COL26A1: variants seen among roughly 807,000 people sequenced by gnomAD.
COL26A1 encodes the protein collagen type XXVI alpha 1 chain, also known as collagen alpha-1(XXVI) chain.
In COL26A1, 41 loss-of-function variants were observed where a neutral mutation model predicts 59.3. The observed-to-expected ratio is 0.69, with a 90% CI of 0.54 to 0.90. The LOEUF (loss-of-function observed/expected upper bound fraction) is 0.90, where lower values mean the gene tolerates loss of function less well. COL26A1 is among the 40% of genes least tolerant of loss of function. COL26A1 has a pLI of 0.00. For missense variants in COL26A1, 612 were observed against 602.3 expected (o/e 1.02, Z -0.17); for synonymous variants, 266 against 256.0 (o/e 1.04, Z -0.37).
At chr7:101,556,460 T>C (rs970324583) in intron 12 of COL26A1, among the ~76,000 whole-genome samples, 5 of 150,824 alleles carry the variant, frequency 3.3e-5, no homozygotes, top group Non-Finnish European at 7.4e-5. Context: ...CCTGGATGAA[T>C]GTATGCATGG....
chr7:101,381,685 C>A (rs1456637896), intron 1 of COL26A1, among the ~76,000 whole-genome samples: 1 of 152,146 alleles, frequency 6.6e-6, no homozygotes, highest in Non-Finnish European at 1.5e-5. Flanking sequence ...GCTTTTATGA[C>A]CTAAACATCT....
intron 3 of COL26A1, among the ~76,000 whole-genome samples, chr7:101,517,938 C>T (rs951248381): frequency 6.6e-5 from 10 of 151,326 alleles, no homozygotes; most frequent in African/African-American, 2.2e-4. Context: ...CTCGGCCTCC[C>T]GAGTAGCTGG....
chr7:101,510,054 C>T (rs1379910319), intron 3 of COL26A1, among the ~76,000 whole-genome samples: 1 of 118,918 alleles, frequency 8.4e-6, no homozygotes, highest in African/African-American at 6.7e-5. Context: ...GAGGGTCTCA[C>T]TCTGTCACCC....
At chr7:101,470,256 T>C (rs1793864340) in intron 3 of COL26A1, among the ~76,000 whole-genome samples, 1 of 151,948 alleles carries the variant, frequency 6.6e-6, no homozygotes, top group Non-Finnish European at 1.5e-5. Context: ...CGCACCGCCA[T>C]GTCCAGCTAA....
intron 2 of COL26A1, among the ~76,000 whole-genome samples, chr7:101,437,551 G>C (rs1027289176): frequency 6.6e-6 from 1 of 151,910 alleles, no homozygotes; most frequent in African/African-American, 2.4e-5. Context: ...ACAAGGTTAG[G>C]CTTAGGATTT....
intron 1 of COL26A1, among the ~76,000 whole-genome samples, chr7:101,417,631 GA>G (rs1792405673): frequency 2.6e-5 from 1 of 38,530 alleles, no homozygotes. Flanking sequence ...CATAGATATA[GA>G]GATATATCTC....
intron 2 of COL26A1, among the ~76,000 whole-genome samples, chr7:101,444,414 C>CTT (rs1793135588): frequency 7.8e-6 from 1 of 128,344 alleles, no homozygotes; most frequent in Non-Finnish European, 1.7e-5. Flanking sequence ...TCCTTCCTTT[C>CTT]TTCTTTTTTT....
chr7:101,465,314 G>T (rs1793730878), intron 3 of COL26A1, among the ~76,000 whole-genome samples: 1 of 152,024 alleles, frequency 6.6e-6, no homozygotes. Context: ...TGCTGGCATT[G>T]CAGATGTGAG....
intron 1 of COL26A1, among the ~76,000 whole-genome samples, chr7:101,402,734 C>G (rs1201656803): frequency 1.6e-5 from 2 of 123,894 alleles, no homozygotes; most frequent in Admixed American, 1.7e-4. Flanking sequence ...TCCTTCTTTC[C>G]CTTCCTTCCT....
At chr7:101,378,084 A>T (rs1490537172) in intron 1 of COL26A1, among the ~76,000 whole-genome samples, 3 of 152,036 alleles carry the variant, frequency 2.0e-5, no homozygotes, top group Non-Finnish European at 4.4e-5. Context: ...TTATCATTTA[A>T]AAATTTTTTG....
intron 3 of COL26A1, among the ~76,000 whole-genome samples, chr7:101,497,414 C>T (rs1282548859): frequency 6.6e-6 from 1 of 152,070 alleles, no homozygotes; most frequent in Non-Finnish European, 1.5e-5. Context: ...GTGGCTCATG[C>T]CTGCAATCCC....
intron 6 of COL26A1, among the ~76,000 whole-genome samples, chr7:101,544,528 CTTTT>C (rs58206894): frequency 5.1e-5 from 5 of 98,626 alleles, no homozygotes; most frequent in Admixed American, 1.1e-4. Context: ...CCTCACCTGG[CTTTT>C]TTTTTTTTTT....
chr7:101,489,669 C>T (rs1168608914), intron 3 of COL26A1, among the ~76,000 whole-genome samples: 514 of 45,536 alleles, frequency 0.011, 50 homozygotes, highest in African/African-American at 0.03. Flanking sequence ...TTCTTCCTTC[C>T]TTCCTTCCTT....
intron 3 of COL26A1, among the ~76,000 whole-genome samples, chr7:101,530,412 T>C (rs1444182914): frequency 6.6e-6 from 1 of 151,240 alleles, no homozygotes. Flanking sequence ...CTACTAAAAA[T>C]ACACAACTAG....
rs541605627 is a variant in COL26A1, at chr7:101,390,572, T to G, written c.158+27382T>G. On this transcript the variant is annotated intron_variant, in intron 1 of 12. Transcript: ENST00000313669. ...TCCTGAGTAGCTGGGACTACAGGCA[T>G]GCACTACCATGCCTGGCTACTTTTT... Among the ~76,000 whole-genome samples the G allele has an allele frequency of 9.9e-5, 15 of 152,252 alleles. No individual in the cohort carries two copies. The South Asian group carries it at 3.1e-3, about 32-fold the overall frequency.
At chr7:101,452,048 C>G (rs1793353385) in intron 3 of COL26A1, among the ~76,000 whole-genome samples, 2 of 152,076 alleles carry the variant, frequency 1.3e-5, no homozygotes, top group Admixed American at 1.3e-4. Context: ...AGTTAACATC[C>G]AACTTGGCAG....
intron 1 of COL26A1, among the ~76,000 whole-genome samples, chr7:101,405,078 C>T (rs1792095863): frequency 1.3e-5 from 2 of 151,932 alleles, no homozygotes; most frequent in South Asian, 2.1e-4. Context: ...AAAAATTAGC[C>T]GGGCGTGGTG....
chr7:101,460,509 G>A (rs1214471766), intron 3 of COL26A1, among the ~76,000 whole-genome samples: 1 of 152,062 alleles, frequency 6.6e-6, no homozygotes, highest in South Asian at 2.1e-4. Flanking sequence ...CAGGCCAGGC[G>A]CGGTGGCTCA....
chr7:101,428,026 G>A (rs1336526310), intron 2 of COL26A1, among the ~76,000 whole-genome samples: 2 of 152,096 alleles, frequency 1.3e-5, no homozygotes, highest in Admixed American at 6.6e-5. Context: ...TACGGCGTGA[G>A]TATATTCTAG....
Sources: gnomAD v4.1 joint callset for allele counts (sites outside exome capture counted in the v4.1 genomes callset) on GRCh38, gnomAD v4.1.1 for gene constraint, MANE v1.5 for transcripts, NCBI Gene and HGNC (gene_info 2026-07-23, HGNC 2026-07-21) for gene names.